Variants in ATXN7 observed in about 807,000 individuals in gnomAD.
ATXN7 encodes ataxin 7.
Under a neutral mutation model 70.5 loss-of-function variants are expected in ATXN7, and 12 were observed. The observed-to-expected ratio is 0.17, with a 90% CI of 0.11 to 0.28. ATXN7 has a LOEUF of 0.28. Ranked by LOEUF, ATXN7 falls within the 10% of genes least tolerant of loss-of-function variation. The pLI is 1.00. For missense variants in ATXN7, 1,256 were observed against 1,131.7 expected (o/e 1.11, Z -1.58); for synonymous variants, 498 against 448.7 (o/e 1.11, Z -1.39).
At chr3:63,942,929 A>T (rs944224616) in intron 4 of ATXN7, among the ~76,000 whole-genome samples, 4 of 152,206 alleles carry the variant, frequency 2.6e-5, no homozygotes, top group Non-Finnish European at 5.9e-5. Flanking sequence ...ATTTGAACTC[A>T]GTTTTATTCC....
chr3:63,924,215 A>G (rs963542657), intron 4 of ATXN7, among the ~76,000 whole-genome samples: 1 of 152,186 alleles, frequency 6.6e-6, no homozygotes, highest in Non-Finnish European at 1.5e-5. Context: ...GTACCACTTA[A>G]TGAACTGAGG....
chr3:63,959,599 A>G (rs999360592), intron 5 of ATXN7, among the ~76,000 whole-genome samples: 2 of 152,226 alleles, frequency 1.3e-5, no homozygotes, highest in African/African-American at 4.8e-5. Flanking sequence ...TACAAGTGAA[A>G]AAATGCTAAT....
At chr3:63,872,219 A>G (rs1702617321) in intron 1 of ATXN7, among the ~76,000 whole-genome samples, 1 of 152,250 alleles carries the variant, frequency 6.6e-6, no homozygotes, top group Non-Finnish European at 1.5e-5. Flanking sequence ...TGAATACACT[A>G]TAAAATATAG....
At chr3:63,924,883 G>T (rs1012889372) in intron 4 of ATXN7, among the ~76,000 whole-genome samples, 13 of 151,836 alleles carry the variant, frequency 8.6e-5, no homozygotes, top group African/African-American at 3.1e-4. Flanking sequence ...ATGATGAGGA[G>T]GTTTGTTTTA....
intron 4 of ATXN7, among the ~76,000 whole-genome samples, chr3:63,939,309 A>G (rs557996202): frequency 3.3e-5 from 5 of 152,208 alleles, no homozygotes; most frequent in East Asian, 3.9e-4. Flanking sequence ...AGTTCCTTCT[A>G]AATGTCTTGG....
At chr3:63,959,705 A>T (rs569295127) in intron 5 of ATXN7, among the ~76,000 whole-genome samples, 7 of 152,284 alleles carry the variant, frequency 4.6e-5, no homozygotes, top group African/African-American at 1.7e-4. Flanking sequence ...ATTATAAGCA[A>T]ATATCTTTAA....
intron 4 of ATXN7, among the ~76,000 whole-genome samples, chr3:63,919,023 C>G (rs1704399141): frequency 7.1e-6 from 1 of 141,408 alleles, no homozygotes; most frequent in East Asian, 2.2e-4. Context: ...GGTGCAGGAA[C>G]CCCCAGAGAC....
Position 63,922,842 on chromosome 3 carries a change from A to G in ATXN7, c.394+9617A>G, listed in dbSNP as rs143935643. 2.0e-3 allele frequency among the ~76,000 whole-genome samples: 307 copies of G among 152,338 alleles called. 1 individual carries two copies. Among genetic ancestry groups the G allele is most frequent in the African/African-American group, 7.1e-3 (295 of 41,578 alleles). ...AAAAAATTATTACAGAAGTTAATAC[A>G]TGCTCACTGTAAAGATTTTACTAAT... On this transcript the variant is annotated intron_variant, in intron 4 of 12. Transcript: ENST00000674280.
rs1053340 is a variant in ATXN7 at position 63,995,809 on chromosome 3, C to G, written c.1987C>G (p.Pro663Ala). The change falls in exon 12 of 13, where the codon CCT (proline) becomes GCT (alanine). Residue 663 changes from proline (P) to alanine (A), a missense_variant. Coordinates refer to ENST00000674280, the MANE Select transcript of ATXN7 (RefSeq NM_001377405.1). ...CACGCCCTCTGGCCTTTCCTCGGTT[C>G]CTTCCTCCCCCATGTCCAGGAAACC... ...PSTPSGLSSVPSSPMSRKPQK... is the reference protein window; with the variant it reads ...PSTPSGLSSVASSPMSRKPQK... 3.7e-6 allele frequency: 6 copies of G among 1,614,112 alleles called. No homozygotes were observed. The highest frequency in any genetic ancestry group is 5.1e-6 in the Non-Finnish European group (6 of 1,180,054).
chr3:63,953,014 G>T (rs1038039958), intron 5 of ATXN7, among the ~76,000 whole-genome samples: 14 of 151,916 alleles, frequency 9.2e-5, no homozygotes, highest in African/African-American at 3.1e-4. Flanking sequence ...TTTCTGCCCA[G>T]TTTGGCTCAA....
At chr3:63,957,872 G>A (rs1232625351) in intron 5 of ATXN7, among the ~76,000 whole-genome samples, 1 of 152,210 alleles carries the variant, frequency 6.6e-6, no homozygotes, top group East Asian at 1.9e-4. Context: ...ACTGAGGCCA[G>A]CCTTAGCCCT....
At chr3:63,926,083 T>C (rs1704704174) in intron 4 of ATXN7, among the ~76,000 whole-genome samples, 1 of 152,252 alleles carries the variant, frequency 6.6e-6, no homozygotes, top group Admixed American at 6.5e-5. Context: ...AATGTACTTA[T>C]ACAATCAAAT....
In ATXN7 at chr3:63,863,938, GCCGCGCCGCGCCGCGCCGC is replaced by G; in HGVS notation, c.-329_-311del. The G allele has an allele frequency of 6.7e-6, 1 of 149,734 alleles. No homozygotes were observed. Among genetic ancestry groups the G allele is most frequent in the Non-Finnish European group, 1.2e-5 (1 of 84,704 alleles). The allele number at this position is 149,734 out of a possible 1,614,324, so 9.3% of individuals were successfully genotyped here. A position where few individuals can be genotyped will look rare whatever the true frequency, so the allele number is the denominator to read the frequency against. On this transcript the variant is annotated 5_prime_UTR_variant, in exon 1 of 13. The change creates a premature stop within an existing upstream ORF in the 5' untranslated region. Transcript: ENST00000674280. ...CGCGGCCGCCTGCTCCGACGCCTGA[GCCGCGCCGCGCCGCGCCGC>G]CGCCGCCGCCGCCGCCGCCGCGGGA...
At chr3:63,979,729 T>A (rs151008929) in intron 5 of ATXN7, among the ~76,000 whole-genome samples, 186 bp from the exon 6 acceptor site, 40 of 152,302 alleles carry the variant, frequency 2.6e-4, no homozygotes, top group African/African-American at 8.9e-4. Flanking sequence ...AAGGACCCGT[T>A]CCTAGAATGC....
At chr3:63,987,566 A>G (rs1373242782) in intron 8 of ATXN7, among the ~76,000 whole-genome samples, 3 of 152,180 alleles carry the variant, frequency 2.0e-5, no homozygotes, top group Non-Finnish European at 4.4e-5. Flanking sequence ...GAGGGACGCA[A>G]TTGTGTTTAA....
intron 8 of ATXN7, 26 bp downstream of exon 8, chr3:63,983,047 C>G (rs754080640): frequency 6.3e-7 from 1 of 1,578,132 alleles, no homozygotes; most frequent in East Asian, 2.2e-5. Flanking sequence ...AAAGTCAAGT[C>G]GACCATCCTG....
chr3:63,932,769 G>A (rs905062339), intron 4 of ATXN7, among the ~76,000 whole-genome samples: 1 of 152,122 alleles, frequency 6.6e-6, no homozygotes, highest in East Asian at 1.9e-4. Flanking sequence ...CTCTTAGATC[G>A]GGGCTTAGGC....
intron 1 of ATXN7, among the ~76,000 whole-genome samples, chr3:63,867,326 C>A (rs1001543942): frequency 2.6e-5 from 4 of 152,084 alleles, no homozygotes; most frequent in Admixed American, 6.6e-5. Flanking sequence ...GAATTCTTTT[C>A]TTTTCTTTCT....
chr3:63,951,134 A>G (rs1203167988), intron 4 of ATXN7, among the ~76,000 whole-genome samples: 2 of 152,178 alleles, frequency 1.3e-5, no homozygotes, highest in East Asian at 3.8e-4. Context: ...TCGGTGCTGC[A>G]AGTACATCCC....
Sources: allele counts gnomAD v4.1 joint callset (sites outside exome capture counted in the v4.1 genomes callset), GRCh38; gene constraint gnomAD v4.1.1; transcripts MANE v1.5; gene names NCBI Gene and HGNC (gene_info 2026-07-23, HGNC 2026-07-21).